Variants in BCAS1 observed in about 807,000 individuals in gnomAD.
BCAS1 encodes breast carcinoma-amplified sequence 1.
BCAS1 carries 46 observed loss-of-function variants against 65.4 expected under a neutral mutation model. The observed-to-expected ratio is 0.70, with a 90% CI of 0.55 to 0.90. The LOEUF is 0.90. Ranked by LOEUF, BCAS1 falls within the 40% of genes least tolerant of loss-of-function variation. The pLI is 0.00. For synonymous variants in BCAS1, 298 were observed against 293.5 expected (o/e 1.02, Z -0.16); for missense variants, 793 against 771.2 (o/e 1.03, Z -0.33).
At chr20:54,058,803 C>A in intron 1 of BCAS1, 80 bp from the exon 2 acceptor site, 3 of 1,528,870 alleles carry the variant, frequency 2.0e-6, no homozygotes, top group Non-Finnish European at 2.7e-6. Flanking sequence ...GTGCAGAGGC[C>A]TGACAAGCCG....
intron 3 of BCAS1, among the ~76,000 whole-genome samples, chr20:54,043,850 C>T (rs1033430147): frequency 2.0e-5 from 3 of 152,166 alleles, no homozygotes; most frequent in African/African-American, 7.2e-5. Flanking sequence ...GCTATTGCAC[C>T]CACACAAGGA....
intron 12 of BCAS1, among the ~76,000 whole-genome samples, chr20:53,946,419 C>T (rs2089318316): frequency 6.6e-6 from 1 of 151,834 alleles, no homozygotes; most frequent in Non-Finnish European, 1.5e-5. Context: ...ATTCATCCAC[C>T]TTGCTGCATG....
rs538562290 is a variant in BCAS1, at chr20:53,972,392, GCTCA to G, written c.1317+2993_1317+2996del. Among the ~76,000 whole-genome samples, 13 of 152,310 alleles carry G rather than the reference GCTCA, an allele frequency of 8.5e-5. 1 individual carries two copies. In the South Asian group the frequency reaches 1.2e-3, roughly 15 times the overall value. Reference sequence around the variant, plus strand: ...AGAAAATCACCGATTACTGGGACATGCTCACTCACTATGTTGTCTCTTATTTGCT... The same window carrying G: ...AGAAAATCACCGATTACTGGGACATGCTCACTATGTTGTCTCTTATTTGCT... On this transcript the variant is annotated intron_variant, in intron 9 of 12. Coordinates refer to ENST00000688948, the MANE Select transcript of BCAS1 (RefSeq NM_001366298.2).
At chr20:54,041,204 G>A (rs1007223903) in intron 3 of BCAS1, among the ~76,000 whole-genome samples, 1 of 151,348 alleles carries the variant, frequency 6.6e-6, no homozygotes, top group African/African-American at 2.4e-5. Flanking sequence ...CTAAAGGGTA[G>A]GGAGTTTTGT....
intron 3 of BCAS1, among the ~76,000 whole-genome samples, chr20:54,041,908 C>CAAAAAGAA (rs1391284796): frequency 1.5e-5 from 1 of 67,362 alleles, no homozygotes; most frequent in Non-Finnish European, 2.9e-5. Context: ...TCTGTCTCCC[C>CAAAAAGAA]CAAAAAAAAA....
intron 10 of BCAS1, among the ~76,000 whole-genome samples, chr20:53,959,637 A>G (rs1440388882): frequency 2.6e-5 from 4 of 152,160 alleles, no homozygotes; most frequent in Admixed American, 1.3e-4. Context: ...GGCTCAAGTG[A>G]TCCTCCAGCC....
chr20:54,037,962 T>C (rs537313768), intron 3 of BCAS1, among the ~76,000 whole-genome samples: 3 of 151,516 alleles, frequency 2.0e-5, no homozygotes, highest in South Asian at 2.1e-4. Context: ...AACATTGATA[T>C]CTATATATTT....
At chr20:54,007,742 G>A (rs568674086) in intron 4 of BCAS1, among the ~76,000 whole-genome samples, 40 of 151,844 alleles carry the variant, frequency 2.6e-4, no homozygotes, top group African/African-American at 9.0e-4. Flanking sequence ...TTCTTAGATT[G>A]ACATTAAAAA....
At chr20:54,056,567 T>C (rs1198604746) in intron 3 of BCAS1, among the ~76,000 whole-genome samples, 1 of 152,142 alleles carries the variant, frequency 6.6e-6, no homozygotes, top group Non-Finnish European at 1.5e-5. Context: ...ATCACATCCA[T>C]GTAACCAAAA....
At chr20:53,976,254 G>A (rs751349729) in intron 8 of BCAS1, among the ~76,000 whole-genome samples, 7 of 152,156 alleles carry the variant, frequency 4.6e-5, no homozygotes, top group African/African-American at 7.2e-5. Flanking sequence ...GGTGGTGGAT[G>A]TTACAGACCA....
intron 4 of BCAS1, among the ~76,000 whole-genome samples, chr20:54,005,141 T>A (rs1367817157): frequency 2.0e-5 from 3 of 152,016 alleles, no homozygotes; most frequent in Non-Finnish European, 4.4e-5. Flanking sequence ...GGTCAGTAGA[T>A]AGGGACAAGT....
chr20:53,958,715 A>G (rs1600708494), intron 10 of BCAS1, among the ~76,000 whole-genome samples: 1 of 152,242 alleles, frequency 6.6e-6, no homozygotes, highest in Non-Finnish European at 1.5e-5. Flanking sequence ...AAATGAGATA[A>G]TAACTTGCAT....
At chr20:53,981,415 G>A (rs920113864) in intron 8 of BCAS1, among the ~76,000 whole-genome samples, 1 of 152,110 alleles carries the variant, frequency 6.6e-6, no homozygotes, top group African/African-American at 2.4e-5. Context: ...GACGTACACT[G>A]ATTGCTCCCT....
At chr20:53,984,695 A>G (rs929401772) in intron 8 of BCAS1, among the ~76,000 whole-genome samples, 1 of 152,246 alleles carries the variant, frequency 6.6e-6, no homozygotes, top group Non-Finnish European at 1.5e-5. Flanking sequence ...TAGATCTAGA[A>G]TAACTCAGCC....
At chr20:53,960,506 A>G (rs2089846826) in intron 10 of BCAS1, among the ~76,000 whole-genome samples, 3 of 139,432 alleles carry the variant, frequency 2.2e-5, no homozygotes, top group East Asian at 2.3e-4. Context: ...AGAGAGAGAG[A>G]GTATCTCAAA....
rs763561842 is a variant in BCAS1, at chr20:54,028,406, C to A, written c.709G>T (p.Val237Phe). ...GGCACACTTACCTTCCCTGCAGGGA[C>A]ATCATCGGACTGCCCTGATAAGCCA... Reference protein sequence around the residue: ...VPGLSGQSDDVPAGKDIVDGK... With the variant: ...VPGLSGQSDDFPAGKDIVDGK... The change falls in exon 4 of 13, where the codon GTC becomes TTC. Residue 237 changes from valine (V) to phenylalanine (F), a missense_variant. Coordinates refer to ENST00000688948, the MANE Select transcript of BCAS1 (RefSeq NM_001366298.2). 6 of 1,614,220 alleles carry A rather than the reference C, an allele frequency of 3.7e-6. No individual in the cohort carries two copies. Among genetic ancestry groups the A allele is most frequent in the South Asian group, 2.2e-5 (2 of 91,090 alleles).
At chr20:53,984,802 C>T (rs868081057) in intron 8 of BCAS1, among the ~76,000 whole-genome samples, 1 of 152,100 alleles carries the variant, frequency 6.6e-6, no homozygotes, top group Non-Finnish European at 1.5e-5. Context: ...GTTTGCCTAC[C>T]CTGGTGGTGA....
chr20:54,038,870 A>G (rs1021138861), intron 3 of BCAS1, among the ~76,000 whole-genome samples: 3 of 151,398 alleles, frequency 2.0e-5, no homozygotes, highest in African/African-American at 7.3e-5. Context: ...GCAGGGGTTT[A>G]TAGAGTCTTG....
chr20:54,016,057 G>C (rs1302258059), intron 4 of BCAS1, among the ~76,000 whole-genome samples: 1 of 152,222 alleles, frequency 6.6e-6, no homozygotes, highest in African/African-American at 2.4e-5. Flanking sequence ...CAGGAAGGCA[G>C]AGATCATTTT....
Sources: allele counts gnomAD v4.1 joint callset (sites outside exome capture counted in the v4.1 genomes callset), GRCh38; gene constraint gnomAD v4.1.1; transcripts MANE v1.5; gene names NCBI Gene and HGNC (gene_info 2026-07-23, HGNC 2026-07-21).